Variants in AFF2 observed in about 807,000 individuals in gnomAD.
The protein encoded by AFF2 is ALF transcription elongation factor 2.
A neutral mutation model predicts 76.9 loss-of-function variants in AFF2; 14 were observed. The observed-to-expected ratio is 0.18, with a 90% confidence interval of 0.12 to 0.28. The LOEUF is 0.28. AFF2 is among the 10% of genes least tolerant of loss of function. The pLI is 1.00. For missense variants in AFF2, 868 were observed against 1,001.1 expected (o/e 0.87, Z 1.79); for synonymous variants, 398 against 366.7 (o/e 1.09, Z -0.98).
rs1402839537 is a variant in AFF2, at chrX:148,521,847, T to C, written c.47+20703T>C. 1.9e-4 allele frequency among the ~76,000 whole-genome samples: 21 copies of C among 112,029 alleles called. No individual in the cohort carries two copies. The Admixed American group carries it at 2.0e-3, about 11-fold the overall frequency. On this transcript the variant is annotated intron_variant, in intron 1 of 20. Transcript: ENST00000370460. ...CATCTGAGACTCTCTTGCACTGAGA[T>C]TGAAAAGGCATTGCGTCCATGAAAC...
intron 7 of AFF2, among the ~76,000 whole-genome samples, chrX:148,848,728 A>G (rs1165288081): frequency 8.9e-6 from 1 of 112,552 alleles, no homozygotes; most frequent in Non-Finnish European, 1.9e-5. Context: ...TGAGGCTTAT[A>G]AAAGCCAAAC....
intron 1 of AFF2, among the ~76,000 whole-genome samples, chrX:148,572,233 T>C (rs2053237439): frequency 1.8e-5 from 2 of 111,654 alleles, no homozygotes; most frequent in African/African-American, 6.5e-5. Context: ...CTAGAATCAC[T>C]ATGCCCAAGA....
At chrX:148,502,897 A>T (rs782446039) in intron 1 of AFF2, among the ~76,000 whole-genome samples, 22 of 111,492 alleles carry the variant, frequency 2.0e-4, no homozygotes, top group Non-Finnish European at 3.8e-4. Flanking sequence ...AAGGGAATGG[A>T]CTCTTTTATG....
At chrX:148,681,993 C>CAA (rs782798028) in intron 3 of AFF2, among the ~76,000 whole-genome samples, 2 of 111,767 alleles carry the variant, frequency 1.8e-5, no homozygotes, top group Non-Finnish European at 3.8e-5. Flanking sequence ...CAGCAGGTGA[C>CAA]AAATACATAC....
chrX:148,513,366 A>G (rs2052502859), intron 1 of AFF2, among the ~76,000 whole-genome samples: 1 of 111,520 alleles, frequency 9.0e-6, no homozygotes, highest in Non-Finnish European at 1.9e-5. Flanking sequence ...GTGTCAACCC[A>G]AATGTGATTT....
intron 3 of AFF2, among the ~76,000 whole-genome samples, chrX:148,669,531 G>A (rs184852871): frequency 2.0e-4 from 22 of 111,680 alleles, no homozygotes; most frequent in African/African-American, 6.8e-4. Context: ...TTAAAGACAC[G>A]TTTCTCATGG....
chrX:148,765,094 C>T (rs1483629283), intron 3 of AFF2, among the ~76,000 whole-genome samples: 1 of 111,474 alleles, frequency 9.0e-6, no homozygotes, highest in Non-Finnish European at 1.9e-5. Context: ...AGTTGTTGCC[C>T]AGGCTGGCCA....
intron 7 of AFF2, among the ~76,000 whole-genome samples, chrX:148,867,860 A>C (rs2070925750): frequency 9.0e-6 from 1 of 111,424 alleles, no homozygotes; most frequent in Admixed American, 9.5e-5. Flanking sequence ...TTCCTAGAAC[A>C]CAGGTCCACA....
At chrX:148,764,245 A>T (rs1603296596) in intron 3 of AFF2, among the ~76,000 whole-genome samples, 1 of 112,337 alleles carries the variant, frequency 8.9e-6, no homozygotes, top group Non-Finnish European at 1.9e-5. Flanking sequence ...TTACATTTAC[A>T]TCATTGAGTG....
chrX:148,991,299 G>A lies in AFF2; in HGVS notation c.3903G>A (p.Leu1301=), dbSNP rs139135283. 8.3e-6 allele frequency: 10 copies of A among 1,207,012 alleles called. No individual in the cohort carries two copies. Among genetic ancestry groups the A allele is most frequent in the African/African-American group, 1.8e-5 (1 of 57,096 alleles). ...TNLVRYVRQG[L]CWLRIDAHLL ...TTGTCCGCTACGTTCGCCAAGGACT[G>A]TGTTGGCTGCGCATCGATGCCCACT... is the stretch of plus-strand genomic sequence containing the variant. Residue 1301 remains leucine (L), a synonymous_variant, in exon 21 of 21, where the codon CTG becomes CTA. Coordinates refer to ENST00000370460, the MANE Select transcript of AFF2 (RefSeq NM_002025.4).
intron 3 of AFF2, among the ~76,000 whole-genome samples, chrX:148,778,179 G>T (rs1438814347): frequency 2.7e-5 from 3 of 111,805 alleles, no homozygotes; most frequent in Non-Finnish European, 3.8e-5. Flanking sequence ...TGTTGAACTA[G>T]CCTTGCATCC....
intron 1 of AFF2, among the ~76,000 whole-genome samples, chrX:148,651,282 T>C (rs1171698188): frequency 8.9e-6 from 1 of 112,497 alleles, no homozygotes; most frequent in African/African-American, 3.2e-5. Context: ...CATTTGTTCG[T>C]TGAGGTCATT....
intron 4 of AFF2, among the ~76,000 whole-genome samples, chrX:148,815,412 AG>A (rs2070252732): frequency 8.9e-6 from 1 of 111,799 alleles, no homozygotes; most frequent in African/African-American, 3.2e-5. Context: ...TGCATATGTG[AG>A]GTGAGCTATT....
In AFF2 at chrX:148,665,883, A is replaced by G. The variant is rs1349276878; in HGVS notation, c.1041+3115A>G. 2.4e-4 allele frequency among the ~76,000 whole-genome samples: 27 copies of G among 111,889 alleles called. 1 individual carries two copies. The highest frequency in any genetic ancestry group is 1.9e-4 in the Non-Finnish European group (10 of 53,234). ...ACCAAAAAGGCTTATCCGTGGAGCA[A>G]TCACAGTATTTCTTTGAGTATTCTC... On this transcript the variant is annotated intron_variant, in intron 3 of 20. Transcript: ENST00000370460.
chrX:148,590,459 C>G (rs994053550), intron 1 of AFF2, among the ~76,000 whole-genome samples: 1 of 111,410 alleles, frequency 9.0e-6, no homozygotes, highest in Non-Finnish European at 1.9e-5. Context: ...TTTTAGGCCT[C>G]CCTCCCTTTC....
intron 3 of AFF2, among the ~76,000 whole-genome samples, chrX:148,714,285 C>T (rs2055002447): frequency 9.0e-6 from 1 of 111,654 alleles, no homozygotes; most frequent in Non-Finnish European, 1.9e-5. Flanking sequence ...ATATACTGAC[C>T]ACTTTTTTAA....
intron 1 of AFF2, among the ~76,000 whole-genome samples, chrX:148,535,280 G>A (rs782779124): frequency 5.4e-5 from 6 of 111,977 alleles, no homozygotes; most frequent in Non-Finnish European, 7.5e-5. Context: ...TCTATAATGC[G>A]ATCTACCTTT....
chrX:148,762,426 TGCACAC>T (rs2069460733), intron 3 of AFF2, among the ~76,000 whole-genome samples: 4 of 104,864 alleles, frequency 3.8e-5, no homozygotes, highest in African/African-American at 1.2e-4. Context: ...TATATACACA[TGCACAC>T]ATATATATGC....
chrX:148,878,661 A>T (rs1485628480), intron 7 of AFF2, among the ~76,000 whole-genome samples: 1 of 111,548 alleles, frequency 9.0e-6, no homozygotes, highest in Non-Finnish European at 1.9e-5. Flanking sequence ...CATACTTGAA[A>T]TTTTTTTTAA....
Sources: gnomAD v4.1 joint callset for allele counts (sites outside exome capture counted in the v4.1 genomes callset) on GRCh38, gnomAD v4.1.1 for gene constraint, MANE v1.5 for transcripts, NCBI Gene and HGNC (gene_info 2026-07-23, HGNC 2026-07-21) for gene names.